Variants in GSE1 observed in about 807,000 individuals in gnomAD.
GSE1 encodes the protein Gse1 coiled-coil protein.
Under a neutral mutation model 112.6 loss-of-function variants are expected in GSE1, and 32 were observed. The observed-to-expected ratio is 0.28, with a 90% CI of 0.21 to 0.38. The LOEUF (loss-of-function observed/expected upper bound fraction) is 0.38, where lower values mean the gene tolerates loss of function less well. Ranked by LOEUF, GSE1 falls within the 10% of genes least tolerant of loss-of-function variation. The probability of loss-of-function intolerance (pLI) is 1.00; values close to 1 mark genes in which losing one functional copy is unlikely to be tolerated. For synonymous variants in GSE1, 1,115 were observed against 735.6 expected (o/e 1.52, Z -8.35); for missense variants, 2,348 against 1,699.2 (o/e 1.38, Z -6.71).
intron 2 of GSE1, among the ~76,000 whole-genome samples, chr16:85,550,578 G>C (rs192122206): frequency 3.4e-4 from 51 of 152,234 alleles, no homozygotes; most frequent in Admixed American, 1.6e-3. Context: ...TCTCCAGAGG[G>C]GGGGGTTGTG....
In GSE1 at chr16:85,311,360, G is replaced by A. The variant is rs1360493642; in HGVS notation, c.2284-46103G>A. Among the ~76,000 whole-genome samples the A allele has an allele frequency of 3.3e-5, 5 of 152,202 alleles. No individual in the cohort carries two copies. The highest frequency in any genetic ancestry group is 1.2e-4 in the African/African-American group (5 of 41,446). ...AACGGTGGTGGCAGGACCCAAGACTGTGCAGTTCTAAACCAGCTCTGGTGC... is the reference window on the plus strand; with the variant it reads ...AACGGTGGTGGCAGGACCCAAGACTATGCAGTTCTAAACCAGCTCTGGTGC... On this transcript the variant is annotated intron_variant, in intron 1 of 2. Transcript: ENST00000637419. This position sits in a 1 kb window ranked among gnomAD's most constrained non-coding sequence, Gnocchi z 4.2.
chr16:85,668,274 A>C lies in GSE1; in HGVS notation c.3265A>C (p.Arg1089=). The C allele has an allele frequency of 6.2e-7, 1 of 1,613,152 alleles. No individual in the cohort carries two copies. Among genetic ancestry groups the C allele is most frequent in the Non-Finnish European group, 8.5e-7 (1 of 1,179,208 alleles). ...TGGGCAGCAGGAGCCCCCCACTGCA[A>C]GGAAGGGCCCCCCAACCCAGGAGTT... is the stretch of plus-strand genomic sequence containing the variant. The part of the protein sequence containing the change: ...HNGQQEPPTA[R]KGPPTQELDR... Residue 1089 remains arginine, a synonymous_variant, in exon 14 of 16, where the codon AGG becomes CGG. Coordinates refer to ENST00000253458, the MANE Select transcript of GSE1 (RefSeq NM_014615.5).
At chr16:85,591,503 T>C (rs1277626647) in intron 1 of GSE1, among the ~76,000 whole-genome samples, 1 of 152,244 alleles carries the variant, frequency 6.6e-6, no homozygotes, top group Admixed American at 6.5e-5. Flanking sequence ...GCCAACCTTT[T>C]GCTCCTCACA....
At chr16:85,522,122 T>A (rs73267275) in intron 2 of GSE1, among the ~76,000 whole-genome samples, 4,500 of 152,258 alleles carry the variant, frequency 0.03, 122 homozygotes, top group South Asian at 0.13. Flanking sequence ...TAATGAGACA[T>A]TCATCAGCCC....
chr16:85,388,378 G>A (rs111218476), intron 2 of GSE1, among the ~76,000 whole-genome samples: 23 of 92,954 alleles, frequency 2.5e-4, no homozygotes, highest in East Asian at 1.2e-3. Context: ...GCGGGTGGGT[G>A]GATGGATGGA....
chr16:85,567,791 C>T (rs763379217), intron 1 of GSE1, among the ~76,000 whole-genome samples: 2 of 152,186 alleles, frequency 1.3e-5, no homozygotes, highest in Non-Finnish European at 2.9e-5. Flanking sequence ...GGTGCGATCT[C>T]AGCTCACTGC....
intron 1 of GSE1, among the ~76,000 whole-genome samples, chr16:85,259,179 G>C (rs1015146879): frequency 2.0e-5 from 3 of 152,100 alleles, no homozygotes; most frequent in African/African-American, 7.2e-5. Context: ...CACCAGGGGC[G>C]GGGGCTCGTG....
chr16:85,206,441 C>G (rs1330416963), intron 1 of GSE1, among the ~76,000 whole-genome samples: 8 of 152,102 alleles, frequency 5.3e-5, no homozygotes, highest in Non-Finnish European at 2.9e-5. Context: ...AACCAGCAGC[C>G]AGGAGCAGAG....
intron 2 of GSE1, among the ~76,000 whole-genome samples, chr16:85,635,388 C>A (rs1414958309): frequency 6.6e-6 from 1 of 152,176 alleles, no homozygotes; most frequent in Non-Finnish European, 1.5e-5. Flanking sequence ...AGGGGACTCC[C>A]TGGCCACACC....
chr16:85,618,257 C>G (rs905955496), intron 1 of GSE1, among the ~76,000 whole-genome samples: 4 of 152,244 alleles, frequency 2.6e-5, no homozygotes, highest in South Asian at 2.1e-4. Flanking sequence ...CTTTAATCAT[C>G]ACGTCCTCAC....
At chr16:85,293,372 C>A (rs1250990108) in intron 1 of GSE1, among the ~76,000 whole-genome samples, 2 of 152,004 alleles carry the variant, frequency 1.3e-5, no homozygotes, top group East Asian at 1.9e-4. Context: ...ATGGTGAAAC[C>A]CTGTCCCTGC....
chr16:85,550,289 T>G (rs1244014839), intron 2 of GSE1, among the ~76,000 whole-genome samples: 1 of 152,130 alleles, frequency 6.6e-6, no homozygotes, highest in Non-Finnish European at 1.5e-5. Flanking sequence ...CCACTGGCTG[T>G]GTGTCCTTGG....
At chr16:85,249,929 C>T (rs1479020246) in intron 1 of GSE1, among the ~76,000 whole-genome samples, 1 of 152,242 alleles carries the variant, frequency 6.6e-6, no homozygotes, top group Non-Finnish European at 1.5e-5. Flanking sequence ...GAGAGCGATG[C>T]CAGCTGGGCG....
chr16:85,672,483 C>T lies in GSE1; in HGVS notation c.3598C>T (p.Leu1200Phe). ...AGAACTGGACCACTTACGAAAGTGC[C>T]TTGCCTTGCCTGCAATGCACTGGCC... ...QAELDHLRKC[L>F]ALPAMHWPRG... Residue 1200 changes from leucine (L) to phenylalanine (F), a missense_variant, in exon 16 of 16, where the codon CTT (leucine) becomes TTT (phenylalanine). Physicochemically the swap from Leu to Phe is conservative, Grantham distance 22 (BLOSUM62 0). Coordinates refer to ENST00000253458, the MANE Select transcript of GSE1 (RefSeq NM_014615.5). 1.9e-6 allele frequency: 3 copies of T among 1,610,824 alleles called. No homozygotes were observed. Among genetic ancestry groups the T allele is most frequent in the Admixed American group, 1.7e-5 (1 of 59,974 alleles).
Position 85,517,753 on chromosome 16 carries a change from T to C in GSE1, c.2465-116161T>C, listed in dbSNP as rs527340763. Among the ~76,000 whole-genome samples the C allele has an allele frequency of 2.6e-5, 4 of 152,344 alleles. No homozygotes were observed. The South Asian group carries it at 6.2e-4, about 24-fold the overall frequency. ...TGGTCTTCGGAGAGTGACATTTACA[T>C]ATTAATATTTTCTAAGGGAGCCCCG... is the stretch of plus-strand genomic sequence containing the variant. On this transcript the variant is annotated intron_variant, in intron 2 of 2. Coordinates refer to the GSE1 transcript ENST00000637419.
Position 85,480,966 on chromosome 16 carries a change from C to A in GSE1, c.2464+123323C>A, listed in dbSNP as rs565122983. 5.9e-5 allele frequency among the ~76,000 whole-genome samples: 9 copies of A among 152,372 alleles called. No homozygotes were observed. The East Asian group carries it at 1.5e-3, about 26-fold the overall frequency. ...GTGCAGAACCGCAGGTCTTCCACCCCCTCCTGGGACAGCGTGTGCTGCCTT... is the reference window on the plus strand; with the variant it reads ...GTGCAGAACCGCAGGTCTTCCACCCACTCCTGGGACAGCGTGTGCTGCCTT... On this transcript the variant is annotated intron_variant, in intron 2 of 2. Transcript: ENST00000637419.
At chr16:85,435,379 C>A (rs1042333463) in intron 2 of GSE1, among the ~76,000 whole-genome samples, 2 of 151,736 alleles carry the variant, frequency 1.3e-5, no homozygotes, top group South Asian at 4.2e-4. Flanking sequence ...TTCCAGGGGG[C>A]CCGGCCTGGG....
intron 1 of GSE1, among the ~76,000 whole-genome samples, chr16:85,233,663 G>C (rs1178228244): frequency 2.0e-5 from 3 of 152,076 alleles, no homozygotes; most frequent in Non-Finnish European, 4.4e-5. Flanking sequence ...TGTGCGTGTG[G>C]ATGGGTGGTG....
chr16:85,654,015 T>C (rs1221417075), intron 3 of GSE1, among the ~76,000 whole-genome samples: 1 of 152,060 alleles, frequency 6.6e-6, no homozygotes. Flanking sequence ...TCTAGTTCTT[T>C]TGCTGGACTG....
Sources: allele counts gnomAD v4.1 joint callset (sites outside exome capture counted in the v4.1 genomes callset), GRCh38; gene constraint gnomAD v4.1.1; non-coding constraint Gnocchi (gnomAD v3.1); transcripts MANE v1.5; gene names NCBI Gene and HGNC (gene_info 2026-07-23, HGNC 2026-07-21).